Variants in PTPRD observed in about 807,000 individuals in gnomAD.
PTPRD encodes protein tyrosine phosphatase receptor type D, also known as receptor-type tyrosine-protein phosphatase delta.
Under a neutral mutation model 214.5 loss-of-function variants are expected in PTPRD, and 34 were observed. The ratio of observed to expected loss-of-function variants is 0.16; its 90% CI spans 0.12 to 0.21. The LOEUF (loss-of-function observed/expected upper bound fraction) is 0.21, where lower values mean the gene tolerates loss of function less well. PTPRD is among the 10% of genes least tolerant of loss of function. The pLI is 1.00. For synonymous variants in PTPRD, 1,128 were observed against 845.7 expected, an observed-to-expected ratio of 1.33 and a Z score of -5.79; for missense variants, 2,545 against 2,398.7, an observed-to-expected ratio of 1.06 and a Z score of -1.27.
At chr9:8,989,340 C>G (rs997377869) in intron 11 of PTPRD, among the ~76,000 whole-genome samples, 1 of 152,070 alleles carries the variant, frequency 6.6e-6, no homozygotes, top group African/African-American at 2.4e-5. Context: ...TACCCCTTAA[C>G]CAATTTCTCT....
intron 11 of PTPRD, among the ~76,000 whole-genome samples, chr9:8,879,806 A>G (rs2098426618): frequency 2.0e-5 from 3 of 152,130 alleles, no homozygotes; most frequent in Non-Finnish European, 4.4e-5. Context: ...GGCTGGACCA[A>G]ATCTGGAAGC....
intron 8 of PTPRD, among the ~76,000 whole-genome samples, chr9:9,410,316 A>G (rs1318775856): frequency 6.6e-6 from 1 of 152,212 alleles, no homozygotes; most frequent in African/African-American, 2.4e-5. Flanking sequence ...CTGTGATTTG[A>G]ACTCAGAAAT....
rs557473071 is a variant in PTPRD at position 8,673,685 on chromosome 9, T to C, written c.65-36841A>G. On this transcript the variant is annotated intron_variant, in intron 12 of 45. Coordinates refer to ENST00000381196, the MANE Select transcript of PTPRD (RefSeq NM_002839.4). ...ATTTCTTGACCTCGTATATTTATTC[T>C]CTTATTCTGAATGCAAAGCAGCACC... Among the ~76,000 whole-genome samples the C allele has an allele frequency of 4.6e-5, 7 of 152,340 alleles. No individual in the cohort carries two copies. In the East Asian group the frequency reaches 1.2e-3, roughly 25 times the overall value.
intron 2 of PTPRD, among the ~76,000 whole-genome samples, chr9:10,443,060 G>T (rs1190184534): frequency 6.7e-6 from 1 of 148,924 alleles, no homozygotes; most frequent in Non-Finnish European, 1.5e-5. Flanking sequence ...CAGAGGAATA[G>T]AATTCTGCCT....
intron 9 of PTPRD, among the ~76,000 whole-genome samples, chr9:9,362,668 A>G (rs1458801320): frequency 6.6e-6 from 1 of 151,258 alleles, no homozygotes; most frequent in Admixed American, 6.6e-5. Context: ...TCAAGGGGCC[A>G]ATACGTGCTC....
chr9:10,300,049 T>C (rs559397480), intron 3 of PTPRD, among the ~76,000 whole-genome samples: 1 of 152,176 alleles, frequency 6.6e-6, no homozygotes, highest in Non-Finnish European at 1.5e-5. Context: ...ATCTCTAAAA[T>C]AATTCCCATT....
intron 11 of PTPRD, among the ~76,000 whole-genome samples, chr9:8,809,231 T>C (rs2096751832): frequency 6.6e-6 from 1 of 152,170 alleles, no homozygotes; most frequent in Admixed American, 6.5e-5. Context: ...AATATCTGTA[T>C]ATTCAGAGAC....
chr9:8,432,221 C>G (rs2132243798), intron 35 of PTPRD, among the ~76,000 whole-genome samples: 1 of 152,334 alleles, frequency 6.6e-6, no homozygotes, highest in East Asian at 1.9e-4. Context: ...ATGCCATTCT[C>G]AAATTGAGAC....
intron 3 of PTPRD, among the ~76,000 whole-genome samples, chr9:10,192,707 G>A (rs2099373224): frequency 6.6e-6 from 1 of 152,088 alleles, no homozygotes; most frequent in African/African-American, 2.4e-5. Flanking sequence ...CTCAGATTAT[G>A]AAAACACATG....
intron 7 of PTPRD, among the ~76,000 whole-genome samples, chr9:9,731,150 T>G (rs2154441915): frequency 6.6e-6 from 1 of 152,330 alleles, no homozygotes; most frequent in African/African-American, 2.4e-5. Context: ...TTGAAGTAAA[T>G]TTTTACTGCT....
chr9:9,265,248 T>C (rs1938750724), intron 9 of PTPRD, among the ~76,000 whole-genome samples: 1 of 151,518 alleles, frequency 6.6e-6, no homozygotes, highest in African/African-American at 2.4e-5. Context: ...GAATATGCAA[T>C]TTATTGACTT....
intron 8 of PTPRD, among the ~76,000 whole-genome samples, chr9:9,442,584 T>C (rs2088524588): frequency 6.6e-6 from 1 of 152,250 alleles, no homozygotes; most frequent in African/African-American, 2.4e-5. Flanking sequence ...TGTCAAGTTC[T>C]CTGGGGTACA....
At chr9:9,270,759 T>C (rs1470373425) in intron 9 of PTPRD, among the ~76,000 whole-genome samples, 3 of 151,568 alleles carry the variant, frequency 2.0e-5, no homozygotes, top group East Asian at 3.9e-4. Context: ...TTTGACATGA[T>C]GGTATCTTTA....
At chr9:10,224,515 G>T (rs1000800039) in intron 3 of PTPRD, among the ~76,000 whole-genome samples, 6 of 151,978 alleles carry the variant, frequency 3.9e-5, no homozygotes, top group Non-Finnish European at 7.4e-5. Context: ...ATTATCGTAT[G>T]ATTTTTCTCT....
At chr9:8,419,679 G>A (rs1420107468) in intron 35 of PTPRD, among the ~76,000 whole-genome samples, 1 of 151,756 alleles carries the variant, frequency 6.6e-6, no homozygotes, top group African/African-American at 2.4e-5. Flanking sequence ...ATTTCATCCA[G>A]CTAGGGGAAT....
Position 8,813,240 on chromosome 9 carries a change from C to G in PTPRD, c.-103-79294G>C, listed in dbSNP as rs569629297. ...TATTAAGTCTGCATATGAGACCAGA[C>G]GAGGAGGAAGCATTGAGGAAGGGCG... is the stretch of plus-strand genomic sequence containing the variant. On this transcript the variant is annotated intron_variant, in intron 11 of 45. Coordinates refer to ENST00000381196, the MANE Select transcript of PTPRD (RefSeq NM_002839.4). Among the ~76,000 whole-genome samples, 4 of 151,458 alleles carry G rather than the reference C, an allele frequency of 2.6e-5. No individual in the cohort carries two copies. In the South Asian group the frequency reaches 8.4e-4, roughly 32 times the overall value.
At chr9:10,341,791 T>C (rs925083708) in intron 2 of PTPRD, among the ~76,000 whole-genome samples, 2 of 151,790 alleles carry the variant, frequency 1.3e-5, no homozygotes, top group Non-Finnish European at 2.9e-5. Flanking sequence ...ATATTTGATA[T>C]AGAAAGCACC....
At chr9:8,862,627 G>A (rs1329570701) in intron 11 of PTPRD, among the ~76,000 whole-genome samples, 2 of 152,160 alleles carry the variant, frequency 1.3e-5, no homozygotes, top group African/African-American at 2.4e-5. Context: ...AGAAAAGGAG[G>A]CAGCTGGAGA....
intron 3 of PTPRD, among the ~76,000 whole-genome samples, chr9:10,121,655 T>C (rs780535843): frequency 3.3e-5 from 5 of 152,200 alleles, no homozygotes; most frequent in Non-Finnish European, 7.3e-5. Context: ...GAATCTTCCA[T>C]TTTCACTTAT....
Sources: gnomAD v4.1 joint callset for allele counts (sites outside exome capture counted in the v4.1 genomes callset) on GRCh38, gnomAD v4.1.1 for gene constraint, MANE v1.5 for transcripts, NCBI Gene and HGNC (gene_info 2026-07-23, HGNC 2026-07-21) for gene names.